SCAF8: variants seen among roughly 807,000 people sequenced by gnomAD.
The protein encoded by SCAF8 is SR-related and CTD-associated factor 8.
Under a neutral mutation model 140.5 loss-of-function variants are expected in SCAF8, and 23 were observed. The observed-to-expected ratio is 0.16, with a 90% CI of 0.12 to 0.23. SCAF8 has a LOEUF of 0.23. Among genes scored for constraint, SCAF8 ranks in the 10% least tolerant of loss-of-function variants. The pLI, the probability that SCAF8 is intolerant of heterozygous loss-of-function variation, is 1.00. For synonymous variants in SCAF8, 575 were observed against 528.9 expected (o/e 1.09, Z -1.20); for missense variants, 1,397 against 1,555.7 (o/e 0.90, Z 1.72).
chr6:154,787,169 A>G (rs1250349753), intron 3 of SCAF8, among the ~76,000 whole-genome samples: 1 of 152,246 alleles, frequency 6.6e-6, no homozygotes, highest in African/African-American at 2.4e-5. Context: ...AGCCTGGGCA[A>G]CATGGTGAAA....
In SCAF8 at chr6:154,832,956, G is replaced by C; in HGVS notation, c.3377G>C (p.Gly1126Ala). 1 of 1,614,120 alleles carries C rather than the reference G, an allele frequency of 6.2e-7. No individual in the cohort carries two copies. Among genetic ancestry groups the C allele is most frequent in the South Asian group, 1.1e-5 (1 of 91,076 alleles). ...LHEERGRFRS[G>A]NYRFDPRSGP... ...GAAGAAAGAGGTAGATTTCGGTCTG[G>C]AAACTATCGATTTGATCCTAGAAGT... is the stretch of plus-strand genomic sequence containing the variant. Residue 1126 changes from glycine (G) to alanine (A), a missense_variant, in exon 20 of 20, where the codon GGA becomes GCA. Physicochemically the swap from Gly to Ala is moderately conservative, Grantham distance 60 (BLOSUM62 0). This residue lies in a region of SCAF8 where 930 missense variants were observed against 874.6 expected (regional missense o/e 1.06). Transcript: ENST00000367178.
At chr6:154,747,464 T>C (rs542583305) in intron 1 of SCAF8, among the ~76,000 whole-genome samples, 116 of 152,158 alleles carry the variant, frequency 7.6e-4, no homozygotes, top group African/African-American at 2.8e-3. Context: ...TGAGTTGAGG[T>C]TGTGCCACTT....
chr6:154,832,450 A>T lies in SCAF8; in HGVS notation c.2871A>T (p.Val957=), dbSNP rs778434816. The change falls in exon 20 of 20, where the codon GTA becomes GTT. Residue 957 remains valine, a synonymous_variant. Transcript: ENST00000367178. ...PPQRGIPPPS[V]LDSALHPPPR... ...AACGGGGAATCCCACCCCCATCGGT[A>T]CTTGATTCAGCTCTTCATCCACCAC... 3.1e-6 allele frequency: 5 copies of T among 1,614,146 alleles called. No individual in the cohort carries two copies. The East Asian group carries it at 8.9e-5, about 29-fold the overall frequency.
At chr6:154,790,146 G>A (rs546236168) in intron 4 of SCAF8, among the ~76,000 whole-genome samples, 1 of 152,148 alleles carries the variant, frequency 6.6e-6, no homozygotes, top group South Asian at 2.1e-4. Flanking sequence ...ATAAATGAAG[G>A]ACATCGTATG....
intron 19 of SCAF8, 73 bp downstream of exon 19, chr6:154,831,213 G>A: frequency 4.3e-6 from 4 of 921,636 alleles, no homozygotes; most frequent in Non-Finnish European, 4.8e-6. Flanking sequence ...GGGGTGGCAT[G>A]CGTTTGTAAC....
In SCAF8 at chr6:154,795,018, T is replaced by C; in HGVS notation, c.485T>C (p.Val162Ala). The C allele has an allele frequency of 6.2e-7, 1 of 1,602,550 alleles. No homozygotes were observed. The highest frequency in any genetic ancestry group is 8.5e-7 in the Non-Finnish European group (1 of 1,176,646). ...TAMSNTPGTPVTPVTPANVVQ... is the reference protein window; with the variant it reads ...TAMSNTPGTPATPVTPANVVQ... ...ATGTTCTTTTTAAAAGGAACTCCTG[T>C]GACACCTGTTACTCCGGCCAATGTG... The change falls in exon 6 of 20, where the codon GTG becomes GCG. Residue 162 changes from valine (V) to alanine (A), a missense_variant. Physicochemically the swap from Val to Ala is moderately conservative, Grantham distance 64 (BLOSUM62 0). Transcript: ENST00000367178.
At chr6:154,768,311 T>G (rs1309007228) in intron 1 of SCAF8, among the ~76,000 whole-genome samples, 1 of 152,190 alleles carries the variant, frequency 6.6e-6, no homozygotes, top group African/African-American at 2.4e-5. Flanking sequence ...TTCCCATGGG[T>G]CTGTGGTGGT....
At chr6:154,815,604 A>G (rs1315479309) in intron 12 of SCAF8, 112 bp from the exon 13 acceptor site, 3 of 433,284 alleles carry the variant, frequency 6.9e-6, no homozygotes, top group Non-Finnish European at 1.3e-5. Context: ...ATTTTTAAAT[A>G]TATTATCTTA....
intron 12 of SCAF8, among the ~76,000 whole-genome samples, chr6:154,814,817 G>T (rs1197683398): frequency 6.6e-6 from 1 of 152,302 alleles, no homozygotes; most frequent in East Asian, 1.9e-4. Flanking sequence ...ATTTGTTAAG[G>T]GGATGTGGCT....
intron 4 of SCAF8, among the ~76,000 whole-genome samples, chr6:154,790,761 T>C (rs973854290): frequency 2.6e-5 from 4 of 152,156 alleles, no homozygotes; most frequent in East Asian, 3.9e-4. Context: ...CTGTCCGCCT[T>C]GGCCTCCCTA....
intron 2 of SCAF8, among the ~76,000 whole-genome samples, chr6:154,777,246 G>A (rs1163249492): frequency 1.3e-5 from 2 of 151,364 alleles, no homozygotes; most frequent in African/African-American, 2.4e-5. Flanking sequence ...GAAATCATAC[G>A]CCAATATGGT....
chr6:154,805,003 GAGA>G (rs1170463033), intron 8 of SCAF8, among the ~76,000 whole-genome samples: 2 of 152,130 alleles, frequency 1.3e-5, no homozygotes, highest in Non-Finnish European at 2.9e-5. Flanking sequence ...CTCATAGTAA[GAGA>G]AGGAGTTAAA....
chr6:154,733,618 C>T lies in SCAF8; in HGVS notation c.-283C>T, dbSNP rs1778320018. 2.3e-6 allele frequency: 3 copies of T among 1,295,226 alleles called. No individual in the cohort carries two copies. The highest frequency in any genetic ancestry group is 4.9e-5 in the South Asian group (2 of 40,676). The allele number at this position is 1,295,226 out of a possible 1,614,324, so 80.2% of individuals were successfully genotyped here. ...GGCAGAGAAGAGAAGGCGCCGCGGC[C>T]CAGCCCCTCCCCCGCCCGCCGCCGA... On this transcript the variant is annotated 5_prime_UTR_variant, in exon 1 of 20. Transcript: ENST00000367178.
chr6:154,733,879 TC>T lies in SCAF8; in HGVS notation c.-21del. The T allele has an allele frequency of 6.5e-7, 1 of 1,544,546 alleles. No individual in the cohort carries two copies. Among genetic ancestry groups the T allele is most frequent in the Admixed American group, 2.1e-5 (1 of 46,668 alleles). On this transcript the variant is annotated 5_prime_UTR_variant, in exon 1 of 20. Coordinates refer to ENST00000367178, the MANE Select transcript of SCAF8 (RefSeq NM_014892.5). ...GCCGCCGCCTCTTCCGCCGCCGGGC[TC>T]GGGGCCTCCGCAGCGACAACATGGA...
intron 14 of SCAF8, among the ~76,000 whole-genome samples, 197 bp from the exon 15 acceptor site, chr6:154,819,980 C>T (rs1778365651): frequency 1.3e-5 from 2 of 152,272 alleles, no homozygotes; most frequent in Admixed American, 1.3e-4. Context: ...CTGAGTGAGA[C>T]CCTGTCTCAG....
intron 1 of SCAF8, among the ~76,000 whole-genome samples, chr6:154,751,214 T>A (rs553589892): frequency 9.9e-5 from 15 of 152,206 alleles, no homozygotes; most frequent in African/African-American, 3.6e-4. Context: ...TGCTTAAACC[T>A]GATATCTAAA....
chr6:154,739,938 G>A (rs1214962852), intron 1 of SCAF8, among the ~76,000 whole-genome samples: 6 of 152,136 alleles, frequency 3.9e-5, no homozygotes, highest in African/African-American at 1.4e-4. Flanking sequence ...TTTTTCCTTT[G>A]TTGATGGTTC....
At chr6:154,805,534 C>G (rs113803812) in intron 9 of SCAF8, 48 bp downstream of exon 9, 1 of 1,002,076 alleles carries the variant, frequency 1.0e-6, no homozygotes. Flanking sequence ...TATTTATATT[C>G]TATAAATTGG....
At chr6:154,773,607 A>G (rs1776836101) in intron 1 of SCAF8, among the ~76,000 whole-genome samples, 1 of 152,206 alleles carries the variant, frequency 6.6e-6, no homozygotes, top group Non-Finnish European at 1.5e-5. Flanking sequence ...ACATGTTCTC[A>G]GTTCTCTTGG....
Sources: allele counts gnomAD v4.1 joint callset (sites outside exome capture counted in the v4.1 genomes callset), GRCh38; gene constraint gnomAD v4.1.1; regional missense constraint gnomAD v4.1.1; transcripts MANE v1.5; gene names NCBI Gene and HGNC (gene_info 2026-07-23, HGNC 2026-07-21).